Variants in SCN2A observed in about 807,000 individuals in gnomAD.
SCN2A encodes the protein sodium voltage-gated channel alpha subunit 2, also known as sodium channel protein type 2 subunit alpha.
In SCN2A, 20 loss-of-function variants were observed where a neutral mutation model predicts 188.7. The ratio of observed to expected loss-of-function variants is 0.11; its 90% CI spans 0.07 to 0.15. The LOEUF is 0.15. Among genes scored for constraint, SCN2A ranks in the 10% least tolerant of loss-of-function variants. The pLI is 1.00. For synonymous variants in SCN2A, 804 were observed against 833.1 expected (o/e 0.97, Z 0.60); for missense variants, 1,278 against 2,445.0 (o/e 0.52, Z 10.07).
intron 1 of SCN2A, among the ~76,000 whole-genome samples, chr2:165,247,069 C>G (rs966931505): frequency 4.6e-5 from 7 of 152,078 alleles, no homozygotes; most frequent in African/African-American, 7.2e-5. Context: ...GACCTCCCAC[C>G]CATTACCTTA....
intron 1 of SCN2A, among the ~76,000 whole-genome samples, chr2:165,262,508 T>C (rs1694642049): frequency 6.6e-6 from 1 of 152,174 alleles, no homozygotes; most frequent in Admixed American, 6.5e-5. Flanking sequence ...CTTAGAATAA[T>C]GGTCTCCAAT....
intron 1 of SCN2A, among the ~76,000 whole-genome samples, chr2:165,265,516 T>TATATATATATATATATATATATA (rs71028476): frequency 8.1e-6 from 1 of 122,830 alleles, no homozygotes; most frequent in African/African-American, 3.0e-5. Flanking sequence ...TATATATATA[T>TATATATATATATATATATATATA]TGCTGTGCAG....
intron 14 of SCN2A, among the ~76,000 whole-genome samples, chr2:165,338,959 G>A (rs1699159825): frequency 6.6e-6 from 1 of 152,156 alleles, no homozygotes; most frequent in South Asian, 2.1e-4. Context: ...GGAGGCTCAC[G>A]CCTGTAATCC....
chr2:165,370,991 T>C (rs1212809490), intron 20 of SCN2A: 1 of 152,488 alleles, frequency 6.6e-6, no homozygotes, highest in African/African-American at 2.4e-5. Context: ...TATTTAGAAC[T>C]ACATAAGTGT....
intron 1 of SCN2A, among the ~76,000 whole-genome samples, chr2:165,281,746 A>G (rs536421028): frequency 6.6e-6 from 1 of 152,340 alleles, no homozygotes; most frequent in East Asian, 1.9e-4. Context: ...ATGGAGACCA[A>G]TTTAGACATT....
intron 1 of SCN2A, among the ~76,000 whole-genome samples, chr2:165,241,554 A>C (rs188163460): frequency 2.0e-5 from 3 of 152,356 alleles, no homozygotes; most frequent in Non-Finnish European, 4.4e-5. Flanking sequence ...AAAATGTGTC[A>C]TGTCTACATA....
rs1312471149 is a variant in SCN2A at position 165,294,201 on chromosome 2, A to T, written c.-51-1572A>T. On this transcript the variant is annotated intron_variant, in intron 1 of 26. Transcript: ENST00000375437. ...GCTTCTCTACCTTTACAGTAGTAGA[A>T]TCCTTGGGGAAATCTGCAGAGGGAC... The T allele has an allele frequency of 4.0e-6, 3 of 752,864 alleles. No individual in the cohort carries two copies. The Admixed American group carries it at 1.9e-4, about 47-fold the overall frequency. 46.6% of individuals were successfully genotyped at this position (752,864 alleles called of 1,614,324 possible).
At chr2:165,335,972 A>C (rs1054343844) in intron 14 of SCN2A, among the ~76,000 whole-genome samples, 2 of 151,886 alleles carry the variant, frequency 1.3e-5, no homozygotes, top group Non-Finnish European at 1.5e-5. Flanking sequence ...GTTAGACAAA[A>C]GGCCAATAAG....
intron 14 of SCN2A, among the ~76,000 whole-genome samples, chr2:165,338,345 C>T (rs1473000077): frequency 6.7e-6 from 1 of 150,346 alleles, no homozygotes; most frequent in Non-Finnish European, 1.5e-5. Context: ...CTGCAAGCTC[C>T]GCCTCCCCGG....
chr2:165,239,681 G>C (rs943444394), intron 1 of SCN2A, 41 bp downstream of exon 1: 4 of 889,766 alleles, frequency 4.5e-6, no homozygotes, highest in Non-Finnish European at 5.4e-6. Flanking sequence ...TCCACGGATT[G>C]TTATCTATGT....
intron 18 of SCN2A, among the ~76,000 whole-genome samples, chr2:165,366,976 G>T (rs1363645252): frequency 6.6e-6 from 1 of 151,870 alleles, no homozygotes; most frequent in Non-Finnish European, 1.5e-5. Flanking sequence ...TATATATTGT[G>T]TTTTTGTAAT....
chr2:165,259,909 G>A (rs936537652), intron 1 of SCN2A, among the ~76,000 whole-genome samples: 1 of 149,726 alleles, frequency 6.7e-6, no homozygotes, highest in African/African-American at 2.5e-5. Flanking sequence ...ATTATGTATG[G>A]CACCTGTAGC....
rs1444740926 is a variant in SCN2A, at chr2:165,291,503, C to CT, written c.-51-4267dup. Among the ~76,000 whole-genome samples the CT allele has an allele frequency of 2.1e-3, 224 of 106,520 alleles. 2 individuals are homozygous for CT. The highest frequency in any genetic ancestry group is 2.9e-3 in the African/African-American group (84 of 29,460). The allele number at this position is 106,520 out of a possible 152,430, so 69.9% of individuals were successfully genotyped here. A position where few individuals can be genotyped will look rare whatever the true frequency, so the allele number is the denominator to read the frequency against. The stretch of plus-strand genomic sequence containing the variant: ...CTTTCTTTCTTTCTTTTCTTTCTTT[C>CT]TTTCTTTCTTCCTCTCCTTTCTTTC... On this transcript the variant is annotated intron_variant, in intron 1 of 26. Coordinates refer to ENST00000375437, the MANE Select transcript of SCN2A (RefSeq NM_001040142.2).
At chr2:165,291,956 A>C (rs1696229584) in intron 1 of SCN2A, among the ~76,000 whole-genome samples, 1 of 152,056 alleles carries the variant, frequency 6.6e-6, no homozygotes, top group South Asian at 2.1e-4. Context: ...AGTTTTTCGG[A>C]GTCTTTCTTC....
chr2:165,312,986 C>T (rs1241330961), intron 8 of SCN2A, among the ~76,000 whole-genome samples: 5 of 152,056 alleles, frequency 3.3e-5, no homozygotes, highest in Non-Finnish European at 5.9e-5. Context: ...TTGTACTGTA[C>T]TAAATGCGTT....
rs912828879 is a variant in SCN2A, at chr2:165,386,487, AAGAG to A, written c.4552-251_4552-248del. On this transcript the variant is annotated intron_variant, in intron 25 of 26. Coordinates refer to ENST00000375437, the MANE Select transcript of SCN2A (RefSeq NM_001040142.2). ...TCAAAAAATAAAAAAAATTAAAAAA[AAGAG>A]AGAGAGATAAGATTTGAGATCTGAC... Among the ~76,000 whole-genome samples the A allele has an allele frequency of 6.6e-5, 10 of 152,038 alleles. 1 individual carries two copies. The Middle Eastern group carries it at 0.024, about 362-fold the overall frequency.
chr2:165,311,762 A>G (rs1574562410), intron 7 of SCN2A, among the ~76,000 whole-genome samples: 1 of 152,104 alleles, frequency 6.6e-6, no homozygotes, highest in African/African-American at 2.4e-5. Flanking sequence ...TTTGCAATGA[A>G]TGCTGATATA....
chr2:165,345,248 C>G (rs879332826), intron 16 of SCN2A, among the ~76,000 whole-genome samples: 1 of 152,108 alleles, frequency 6.6e-6, no homozygotes, highest in African/African-American at 2.4e-5. Context: ...CACCTGAAAA[C>G]GTTTCAGATT....
At chr2:165,303,088 T>C (rs1406246063) in intron 3 of SCN2A, among the ~76,000 whole-genome samples, 2 of 152,156 alleles carry the variant, frequency 1.3e-5, no homozygotes, top group African/African-American at 4.8e-5. Flanking sequence ...TTGAAAAATG[T>C]ACTCTATGAC....
Sources: allele counts gnomAD v4.1 joint callset (sites outside exome capture counted in the v4.1 genomes callset), GRCh38; gene constraint gnomAD v4.1.1; transcripts MANE v1.5; gene names NCBI Gene and HGNC (gene_info 2026-07-23, HGNC 2026-07-21).